DEPDC5: variants seen among roughly 807,000 people sequenced by gnomAD.
DEPDC5 encodes the protein GATOR1 complex protein DEPDC5.
In DEPDC5, 73 loss-of-function variants were observed where a neutral mutation model predicts 217.3. The ratio of observed to expected loss-of-function variants is 0.34; its 90% confidence interval spans 0.28 to 0.41. The LOEUF is 0.41. DEPDC5 is among the 10% of genes least tolerant of loss of function. The probability of loss-of-function intolerance (pLI) is 1.00; values close to 1 mark genes in which losing one functional copy is unlikely to be tolerated. For missense variants in DEPDC5, 1,675 were observed against 2,070.1 expected (o/e 0.81, Z 3.70); for synonymous variants, 733 against 756.7 (o/e 0.97, Z 0.51).
intron 19 of DEPDC5, among the ~76,000 whole-genome samples, 196 bp downstream of exon 19, chr22:31,809,843 G>A (rs1424878641): frequency 1.6e-4 from 24 of 152,136 alleles, no homozygotes; most frequent in Non-Finnish European, 1.6e-4. Flanking sequence ...TTAGCTGGGT[G>A]TGATGGTGGG....
intron 26 of DEPDC5, among the ~76,000 whole-genome samples, chr22:31,838,306 A>G (rs1181624081): frequency 2.0e-5 from 3 of 151,154 alleles, no homozygotes; most frequent in East Asian, 1.9e-4. Flanking sequence ...TCTTTTCTCT[A>G]TCTCTTTTAT....
At chr22:31,882,107 A>G (rs1304665602) in intron 38 of DEPDC5, among the ~76,000 whole-genome samples, 1 of 152,216 alleles carries the variant, frequency 6.6e-6, no homozygotes, top group African/African-American at 2.4e-5. Flanking sequence ...TGATAAGTAC[A>G]GTGTTAATCA....
chr22:31,811,553 G>GT lies in DEPDC5; in HGVS notation c.1445+926dup, dbSNP rs772904154. Among the ~76,000 whole-genome samples the GT allele has an allele frequency of 4.3e-3, 590 of 137,990 alleles. 3 individuals carry two copies. Among genetic ancestry groups the GT allele is most frequent in the Middle Eastern group, 0.017 (4 of 242 alleles). 90.5% of individuals were successfully genotyped at this position (137,990 alleles called of 152,430 possible). A position where few individuals can be genotyped will look rare whatever the true frequency, so the allele number is the denominator to read the frequency against. ...GTGGTGTTTTGGTCATATGGTAGTTGTTTTTTTTTTTTTTGAGACAGGATC... is the reference window on the plus strand; with the variant it reads ...GTGGTGTTTTGGTCATATGGTAGTTGTTTTTTTTTTTTTTTGAGACAGGATC... On this transcript the variant is annotated intron_variant, in intron 20 of 42. Coordinates refer to ENST00000651528, the MANE Select transcript of DEPDC5 (RefSeq NM_001242896.3).
rs143845210 is a variant in DEPDC5 at position 31,760,070 on chromosome 22, C to CTT, written c.147-574_147-573dup. ...TAGTGCGTATGGAGTTTCTTTGTTT[C>CTT]TTTTTTTTTTTTTGTGAGACGGAGT... On this transcript the variant is annotated intron_variant, in intron 3 of 42. Coordinates refer to ENST00000651528, the MANE Select transcript of DEPDC5 (RefSeq NM_001242896.3). Among the ~76,000 whole-genome samples the CTT allele has an allele frequency of 1.4e-3, 201 of 140,318 alleles. 2 individuals are homozygous for CTT. Among genetic ancestry groups the CTT allele is most frequent in the Middle Eastern group, 7.6e-3 (2 of 264 alleles). 92.1% of individuals were successfully genotyped at this position (140,318 alleles called of 152,430 possible).
chr22:31,878,282 A>AT (rs2093062268), intron 37 of DEPDC5, among the ~76,000 whole-genome samples: 1 of 151,976 alleles, frequency 6.6e-6, no homozygotes, highest in South Asian at 2.1e-4. Context: ...CGTGTGTGGG[A>AT]TTTTTTTGTA....
intron 38 of DEPDC5, among the ~76,000 whole-genome samples, chr22:31,889,604 C>T (rs993279217): frequency 7.2e-6 from 1 of 138,554 alleles, no homozygotes; most frequent in Non-Finnish European, 1.5e-5. Flanking sequence ...TGCTGGAGTG[C>T]AGAGGCGCTC....
At chr22:31,795,339 G>A (rs1397393488) in intron 12 of DEPDC5, among the ~76,000 whole-genome samples, 1 of 151,284 alleles carries the variant, frequency 6.6e-6, no homozygotes, top group African/African-American at 2.4e-5. Flanking sequence ...TAAAGTGCTG[G>A]GATTACAGGC....
chr22:31,865,604 T>C (rs2092669335), intron 33 of DEPDC5, among the ~76,000 whole-genome samples: 1 of 152,160 alleles, frequency 6.6e-6, no homozygotes, highest in African/African-American at 2.4e-5. Context: ...AAAATTCATA[T>C]CAATTGAGAT....
chr22:31,840,073 C>T (rs1404756070), intron 27 of DEPDC5, among the ~76,000 whole-genome samples: 1 of 152,102 alleles, frequency 6.6e-6, no homozygotes, highest in African/African-American at 2.4e-5. Flanking sequence ...GGATTTATAG[C>T]CCAGTCAGGG....
rs1177483950 is a variant in DEPDC5 at position 31,886,329 on chromosome 22, T to C, written c.4033+6577T>C. ...GAGCTGATTCCCTCTCTTGACAGTT[T>C]CTATAGGAATATCCTCGTTTCCAAA... On this transcript the variant is annotated intron_variant, in intron 38 of 42. Transcript: ENST00000651528. Among the ~76,000 whole-genome samples the C allele has an allele frequency of 6.6e-5, 10 of 152,284 alleles. No individual in the cohort carries two copies. The East Asian group carries it at 1.9e-3, about 29-fold the overall frequency.
intron 26 of DEPDC5, among the ~76,000 whole-genome samples, chr22:31,837,965 A>G (rs549037697): frequency 2.0e-5 from 3 of 152,176 alleles, no homozygotes; most frequent in African/African-American, 4.8e-5. Context: ...GGCCTCCCAA[A>G]GTGCTGGGAT....
At chr22:31,861,161 GCTCTCT>G (rs1056545404) in intron 32 of DEPDC5, among the ~76,000 whole-genome samples, 11 of 145,986 alleles carry the variant, frequency 7.5e-5, no homozygotes, top group African/African-American at 1.5e-4. Flanking sequence ...TCTGGGTGGC[GCTCTCT>G]CTCTCTCTCT....
intron 24 of DEPDC5, among the ~76,000 whole-genome samples, chr22:31,831,451 T>A (rs1349633137): frequency 1.2e-4 from 19 of 152,330 alleles, no homozygotes. Context: ...CATCTTTATT[T>A]TTATTTTTAC....
chr22:31,787,730 T>C (rs2085154463), intron 10 of DEPDC5, among the ~76,000 whole-genome samples: 1 of 151,598 alleles, frequency 6.6e-6, no homozygotes, highest in Admixed American at 6.6e-5. Context: ...GAGGATCCCT[T>C]GATCACAGGA....
At chr22:31,883,456 A>G (rs1485435751) in intron 38 of DEPDC5, among the ~76,000 whole-genome samples, 2 of 151,936 alleles carry the variant, frequency 1.3e-5, no homozygotes, top group African/African-American at 4.8e-5. Flanking sequence ...GCTTTCTTTC[A>G]CTGGTGCCAG....
chr22:31,802,876 C>A, intron 15 of DEPDC5, 38 bp downstream of exon 15: 1 of 1,544,460 alleles, frequency 6.5e-7, no homozygotes, highest in South Asian at 1.3e-5. Flanking sequence ...TCCACATGTT[C>A]CTAGCCTGAT....
At chr22:31,832,366 T>C (rs2090667746) in intron 24 of DEPDC5, among the ~76,000 whole-genome samples, 1 of 152,258 alleles carries the variant, frequency 6.6e-6, no homozygotes, top group Admixed American at 6.5e-5. Context: ...TTTTGCATTG[T>C]TATCAACAAT....
chr22:31,787,814 TAAAAA>T (rs373550815), intron 10 of DEPDC5, among the ~76,000 whole-genome samples: 3 of 127,428 alleles, frequency 2.4e-5, no homozygotes, highest in Non-Finnish European at 3.4e-5. Context: ...CCTGTCTCTT[TAAAAA>T]AAAAAAAAAA....
intron 7 of DEPDC5, among the ~76,000 whole-genome samples, chr22:31,769,973 C>T (rs2083187055): frequency 6.6e-6 from 1 of 151,262 alleles, no homozygotes; most frequent in Admixed American, 6.6e-5. Context: ...CACCTGTAAT[C>T]TCAGCACTTT....
Sources: gnomAD v4.1 joint callset for allele counts (sites outside exome capture counted in the v4.1 genomes callset) on GRCh38, gnomAD v4.1.1 for gene constraint, MANE v1.5 for transcripts, NCBI Gene and HGNC (gene_info 2026-07-23, HGNC 2026-07-21) for gene names.